The following FRMD6 variants were observed in gnomAD, a reference collection of about 807,000 sequenced individuals.
FRMD6 encodes the protein FERM domain containing 6, also known as FERM domain-containing protein 6.
A neutral mutation model predicts 73.2 loss-of-function variants in FRMD6; 37 were observed. That is an observed-to-expected ratio of 0.51 (90% CI 0.39 to 0.66). The LOEUF (loss-of-function observed/expected upper bound fraction) is 0.66. Ranked by LOEUF, FRMD6 falls within the 30% of genes least tolerant of loss-of-function variation. The probability of loss-of-function intolerance (pLI) is 0.00; values close to 1 mark genes in which losing one functional copy is unlikely to be tolerated. For missense variants in FRMD6, 714 were observed against 780.5 expected, an observed-to-expected ratio of 0.91 and a Z score of 1.02; for synonymous variants, 273 against 282.2, an observed-to-expected ratio of 0.97 and a Z score of 0.33.
At chr14:51,623,421 C>A (rs535042044) in intron 2 of FRMD6, among the ~76,000 whole-genome samples, 2 of 152,146 alleles carry the variant, frequency 1.3e-5, no homozygotes, top group Non-Finnish European at 2.9e-5. Flanking sequence ...GATTATGAAA[C>A]CTAGACCTCT....
chr14:51,520,095 G>A (rs1884862327), intron 1 of FRMD6, among the ~76,000 whole-genome samples: 1 of 152,080 alleles, frequency 6.6e-6, no homozygotes, highest in Admixed American at 6.5e-5. Context: ...ATTTGTGCCA[G>A]GTGTATATAA....
At chr14:51,432,663 A>G in the FRMD6 span, among the ~76,000 whole-genome samples, 1 of 152,222 alleles carries the variant, frequency 6.6e-6, no homozygotes, top group Non-Finnish European at 1.5e-5. Flanking sequence ...CAGGAAACCT[A>G]AAAATAACCG....
chr14:51,423,862 A>G, the FRMD6 span, among the ~76,000 whole-genome samples: 2 of 152,222 alleles, frequency 1.3e-5, no homozygotes, highest in Non-Finnish European at 2.9e-5. Flanking sequence ...TGTTACTGTA[A>G]GTGGCTATGT....
At chr14:51,552,381 T>G (rs1239408842) in intron 1 of FRMD6, among the ~76,000 whole-genome samples, 5 of 152,232 alleles carry the variant, frequency 3.3e-5, no homozygotes, top group Non-Finnish European at 7.3e-5. Context: ...GCAATGTTTT[T>G]AGGGATTGGA....
At chr14:51,477,775 TG>T in the FRMD6 span, among the ~76,000 whole-genome samples, 1 of 149,078 alleles carries the variant, frequency 6.7e-6, no homozygotes, top group Non-Finnish European at 1.5e-5. Flanking sequence ...AATCTCACTC[TG>T]TCACCCAGAC....
chr14:51,656,486 T>C (rs1007934062), intron 1 of FRMD6, among the ~76,000 whole-genome samples: 3 of 151,660 alleles, frequency 2.0e-5, no homozygotes, highest in Non-Finnish European at 4.4e-5. Context: ...TGATCTCAGC[T>C]CACTGCAGCC....
chr14:51,437,795 G>A, the FRMD6 span, among the ~76,000 whole-genome samples: 5 of 152,020 alleles, frequency 3.3e-5, no homozygotes, highest in Non-Finnish European at 5.9e-5. Flanking sequence ...ACCCCTTTCT[G>A]TTCAAAATTC....
chr14:51,652,389 C>T (rs4143904), intron 1 of FRMD6, among the ~76,000 whole-genome samples: 2 of 152,042 alleles, frequency 1.3e-5, no homozygotes, highest in Admixed American at 6.5e-5. Flanking sequence ...CGTGCGCGGT[C>T]CCTGGTTCTC....
intron 1 of FRMD6, among the ~76,000 whole-genome samples, chr14:51,526,475 G>A (rs1050540344): frequency 2.0e-5 from 3 of 152,084 alleles, no homozygotes; most frequent in Non-Finnish European, 1.5e-5. Context: ...TTGCCCCTTG[G>A]GTGGGATGAC....
At chr14:51,549,283 G>A (rs1886646543) in intron 1 of FRMD6, among the ~76,000 whole-genome samples, 1 of 152,062 alleles carries the variant, frequency 6.6e-6, no homozygotes, top group Non-Finnish European at 1.5e-5. Flanking sequence ...GAAAGATGAA[G>A]TGAATATTTT....
the FRMD6 span, among the ~76,000 whole-genome samples, chr14:51,413,697 T>C: frequency 1.2e-4 from 18 of 152,246 alleles, no homozygotes; most frequent in Admixed American, 4.6e-4. Context: ...CTGGGTCAAA[T>C]GGTATTTCTA....
In FRMD6 at chr14:51,704,752, CA is replaced by C; in HGVS notation, c.376del (p.Arg126GlufsTer11). 1 of 1,605,582 alleles carries C rather than the reference CA, an allele frequency of 6.2e-7. No individual in the cohort carries two copies. The highest frequency in any genetic ancestry group is 8.5e-7 in the Non-Finnish European group (1 of 1,174,594). On this transcript the variant is annotated frameshift_variant, in exon 6 of 14. Transcript: ENST00000344768. LOFTEE classifies it high-confidence loss of function. Reference protein sequence around the residue: ...YVENGRLISDRAARYYYYWHL... With the variant: ...YVENGRLISDXAARYYYYWHL... ...CTGTTTTCTTTTATTTTTCTAGTGA[CA>C]GAGCAGCAAGATACTATTATTACTG...
Position 51,623,702 on chromosome 14 carries a change from A to G in FRMD6, c.-147+53292A>G, listed in dbSNP as rs187913220. Among the ~76,000 whole-genome samples, 401 of 152,266 alleles carry G rather than the reference A, an allele frequency of 2.6e-3. 1 individual carries two copies. The highest frequency in any genetic ancestry group is 9.1e-3 in the African/African-American group (379 of 41,550). On this transcript the variant is annotated intron_variant, in intron 2 of 14. Coordinates refer to the FRMD6 transcript ENST00000356218. ...ATTCACGCCTTGTTCCATTAGCACT[A>G]TTGGTATCACAGTACTCTACCATGT...
intron 1 of FRMD6, among the ~76,000 whole-genome samples, chr14:51,673,881 A>C (rs1036222705): frequency 6.6e-6 from 1 of 152,172 alleles, no homozygotes; most frequent in South Asian, 2.1e-4. Context: ...GTCTGAAAGG[A>C]AGTATTTCTT....
the FRMD6 span, among the ~76,000 whole-genome samples, chr14:51,453,521 T>C: frequency 4.6e-5 from 7 of 152,320 alleles, no homozygotes; most frequent in African/African-American, 1.7e-4. Flanking sequence ...TACTTTAAGG[T>C]ACAGTGGATA....
At chr14:51,587,739 T>G (rs1291495985) in intron 2 of FRMD6, among the ~76,000 whole-genome samples, 2 of 152,226 alleles carry the variant, frequency 1.3e-5, no homozygotes, top group African/African-American at 4.8e-5. Context: ...TTCAGTGTTT[T>G]GCTTTGAATA....
chr14:51,703,117 A>G, intron 5 of FRMD6, among the ~76,000 whole-genome samples: 1 of 152,050 alleles, frequency 6.6e-6, no homozygotes, highest in East Asian at 1.9e-4. Flanking sequence ...AGCCCAGTGA[A>G]GCTATCCTAT....
chr14:51,484,476 A>C (rs950619738), upstream of FRMD6, among the ~76,000 whole-genome samples: 1 of 152,130 alleles, frequency 6.6e-6, no homozygotes, highest in Non-Finnish European at 1.5e-5. Flanking sequence ...TAGCTGCAAC[A>C]TAACGAACAA....
At chr14:51,457,732 T>C in the FRMD6 span, among the ~76,000 whole-genome samples, 1 of 152,328 alleles carries the variant, frequency 6.6e-6, no homozygotes, top group East Asian at 1.9e-4. Flanking sequence ...AGAATATTAT[T>C]TATGGGAACT....
Sources: gnomAD v4.1 joint callset for allele counts (sites outside exome capture counted in the v4.1 genomes callset) on GRCh38, gnomAD v4.1.1 for gene constraint, MANE v1.5 for transcripts, NCBI Gene and HGNC (gene_info 2026-07-23, HGNC 2026-07-21) for gene names.